ZNF532: variants seen among roughly 807,000 people sequenced by gnomAD.
The protein encoded by ZNF532 is zinc finger protein 532.
In ZNF532, 22 loss-of-function variants were observed where a neutral mutation model predicts 89.3. That is an observed-to-expected ratio of 0.25 (90% CI 0.18 to 0.35). ZNF532 has a LOEUF of 0.35. Among genes scored for constraint, ZNF532 ranks in the 10% least tolerant of loss-of-function variants. The pLI is 1.00. For synonymous variants in ZNF532, 606 were observed against 649.6 expected, an observed-to-expected ratio of 0.93 and a Z score of 1.02; for missense variants, 1,132 against 1,643.4, an observed-to-expected ratio of 0.69 and a Z score of 5.38.
At chr18:58,931,773 C>G (rs79929800) in intron 3 of ZNF532, 1 of 127,608 alleles carries the variant, frequency 7.8e-6, no homozygotes, top group Non-Finnish European at 1.7e-5. Context: ...CCTGTCTGTA[C>G]AAAAAAAAAA....
At chr18:58,876,512 T>A (rs1326968471) in intron 2 of ZNF532, among the ~76,000 whole-genome samples, 1 of 152,200 alleles carries the variant, frequency 6.6e-6, no homozygotes, top group East Asian at 1.9e-4. Flanking sequence ...GGGCCAGGAC[T>A]GTTTTTTTTG....
chr18:58,948,572 T>C (rs1456432526), intron 6 of ZNF532, among the ~76,000 whole-genome samples: 3 of 149,810 alleles, frequency 2.0e-5, no homozygotes, highest in Non-Finnish European at 3.0e-5. Flanking sequence ...CCTTTTTTTT[T>C]TTTTTTTCTT....
At chr18:58,964,763 A>G (rs1003258389) in intron 7 of ZNF532, among the ~76,000 whole-genome samples, 1 of 150,914 alleles carries the variant, frequency 6.6e-6, no homozygotes, top group East Asian at 2.0e-4. Context: ...ATTTTTATTG[A>G]TTTTCATTTT....
In ZNF532 at chr18:58,919,445, T is replaced by C; in HGVS notation, c.1158T>C (p.Leu386=). 6.2e-7 allele frequency: 1 copy of C among 1,614,232 alleles called. No individual in the cohort carries two copies. Residue 386 remains leucine (L), a synonymous_variant, in exon 3 of 10, where the codon CTT becomes CTC. Coordinates refer to ENST00000591808, the MANE Select transcript of ZNF532 (RefSeq NM_001375912.1). This position sits in a 1 kb window ranked among gnomAD's most constrained non-coding sequence, Gnocchi z 6.1. The stretch of plus-strand genomic sequence containing the variant: ...CCAGGGTATTGCCAGAAGTGGATCT[T>C]GACTCTGGAAAGAAACCTTCCGAGC... ...TVTRVLPEVD[L]DSGKKPSEQT... is the part of the protein sequence containing the mutation.
intron 2 of ZNF532, among the ~76,000 whole-genome samples, chr18:58,870,349 C>T (rs1322430161): frequency 6.6e-6 from 1 of 152,126 alleles, no homozygotes; most frequent in Non-Finnish European, 1.5e-5. Flanking sequence ...CGCCTCATGC[C>T]AAGCGTCCAC....
intron 2 of ZNF532, among the ~76,000 whole-genome samples, chr18:58,893,341 T>TATGTTAATA (rs937449579): frequency 3.0e-4 from 46 of 152,298 alleles, no homozygotes; most frequent in African/African-American, 1.1e-3. Context: ...TTGCTATTAT[T>TATGTTAATA]ATGTTAATAG....
intron 2 of ZNF532, among the ~76,000 whole-genome samples, chr18:58,867,285 G>A (rs963394570): frequency 6.6e-6 from 1 of 152,040 alleles, no homozygotes; most frequent in Non-Finnish European, 1.5e-5. Context: ...TTTCTGTCTT[G>A]GTGGTTTTTA....
intron 7 of ZNF532, among the ~76,000 whole-genome samples, chr18:58,958,302 T>TG (rs1456601761): frequency 6.6e-6 from 1 of 152,198 alleles, no homozygotes; most frequent in Non-Finnish European, 1.5e-5. Context: ...AACCTACAAT[T>TG]TGCTGAATTA....
chr18:58,980,175 G>A (rs976457801), intron 8 of ZNF532: 3 of 152,200 alleles, frequency 2.0e-5, no homozygotes, highest in African/African-American at 7.2e-5. Flanking sequence ...TGATAACCGG[G>A]TAGGAATCAT....
In ZNF532 at chr18:58,940,923, T is replaced by TACACACACACACACACACACACAC. The variant is rs200614911; in HGVS notation, c.2705+1315_2705+1338dup. 6.4e-3 allele frequency among the ~76,000 whole-genome samples: 761 copies of TACACACACACACACACACACACAC among 118,516 alleles called. 11 individuals are homozygous for TACACACACACACACACACACACAC. The highest frequency in any genetic ancestry group is 0.015 in the Middle Eastern group (3 of 206). The allele number at this position is 118,516 out of a possible 152,430, so 77.8% of individuals were successfully genotyped here. A position where few individuals can be genotyped will look rare whatever the true frequency, so the allele number is the denominator to read the frequency against. The stretch of plus-strand genomic sequence containing the variant: ...GAAGATACACAGCTATGCCATATTT[T>TACACACACACACACACACACACAC]ACACACACACACACACACACACACA... On this transcript the variant is annotated intron_variant, in intron 5 of 9. Coordinates refer to ENST00000591808, the MANE Select transcript of ZNF532 (RefSeq NM_001375912.1).
intron 2 of ZNF532, among the ~76,000 whole-genome samples, chr18:58,900,458 A>G (rs2059531447): frequency 6.6e-6 from 1 of 152,094 alleles, no homozygotes; most frequent in African/African-American, 2.4e-5. Context: ...TCCCCAGCTG[A>G]TGAAGGGTCG....
intron 2 of ZNF532, among the ~76,000 whole-genome samples, chr18:58,881,133 G>A (rs1568228733): frequency 6.7e-6 from 1 of 148,806 alleles, no homozygotes; most frequent in East Asian, 2.0e-4. Context: ...ACAGAGTCTC[G>A]CTCTGTCGCC....
Position 58,920,398 on chromosome 18 carries a change from C to T in ZNF532, c.2111C>T (p.Thr704Ile), listed in dbSNP as rs778677872. The change falls in exon 3 of 10, where the codon ACT (threonine) becomes ATT (isoleucine). Residue 704 changes from threonine to isoleucine, a missense_variant. By Grantham distance (89) the Thr-to-Ile change is moderately conservative. This residue lies in a region of ZNF532 where 100 missense variants were observed against 122.0 expected (regional missense o/e 0.82). Coordinates refer to ENST00000591808, the MANE Select transcript of ZNF532 (RefSeq NM_001375912.1). Reference sequence around the variant, plus strand: ...AGCAATACTTCCACTTCAACTTCCACTCTTCAGAGCCCTGTGGGAGCTGGC... The same window carrying T: ...AGCAATACTTCCACTTCAACTTCCATTCTTCAGAGCCCTGTGGGAGCTGGC... ...PSSNTSTSTSTLQSPVGAGTH... is the reference protein window; with the variant it reads ...PSSNTSTSTSILQSPVGAGTH... 3.1e-6 allele frequency: 5 copies of T among 1,613,984 alleles called. No individual in the cohort carries two copies. The highest frequency in any genetic ancestry group is 4.2e-6 in the Non-Finnish European group (5 of 1,179,874).
intron 2 of ZNF532, among the ~76,000 whole-genome samples, chr18:58,883,174 TTC>T (rs949399759): frequency 6.6e-6 from 1 of 152,244 alleles, no homozygotes; most frequent in Non-Finnish European, 1.5e-5. Context: ...ATGTAATTAA[TTC>T]TCTTTCTCTG....
intron 9 of ZNF532, among the ~76,000 whole-genome samples, chr18:58,982,476 C>CT (rs2067916827): frequency 6.6e-6 from 1 of 151,446 alleles, no homozygotes; most frequent in Admixed American, 6.6e-5. Flanking sequence ...CAAAAATTAG[C>CT]CAGGCGTGGT....
Position 58,984,199 on chromosome 18 carries a change from G to A in ZNF532, c.3639G>A (p.Thr1213=), listed in dbSNP as rs185185420. The change falls in exon 10 of 10, where the codon ACG becomes ACA. Residue 1213 remains threonine (T), a synonymous_variant. Transcript: ENST00000591808. The part of the protein sequence containing the change: ...YQCRECGLCY[T]SHVSLSRHLF... Reference sequence around the variant, plus strand: ...GCCGGGAGTGTGGCCTCTGCTACACGTCTCACGTCTCTCTGTCCAGGCACC... The same window carrying A: ...GCCGGGAGTGTGGCCTCTGCTACACATCTCACGTCTCTCTGTCCAGGCACC... The A allele has an allele frequency of 4.0e-5, 64 of 1,611,784 alleles. No individual in the cohort carries two copies. Among genetic ancestry groups the A allele is most frequent in the East Asian group, 1.1e-4 (5 of 44,866 alleles).
rs1439509161 is a variant in ZNF532, at chr18:58,984,110, G to A, written c.3550G>A (p.Glu1184Lys). ...HKCAVCGFTTENLLQFHEHIP... is the reference protein window; with the variant it reads ...HKCAVCGFTTKNLLQFHEHIP... ...GTGTGCCGTGTGTGGCTTCACCACCGAAAACCTGCTGCAATTCCACGAACA... is the reference window on the plus strand; with the variant it reads ...GTGTGCCGTGTGTGGCTTCACCACCAAAAACCTGCTGCAATTCCACGAACA... Residue 1184 changes from glutamate to lysine, a missense_variant, in exon 10 of 10, where the codon GAA (glutamate) becomes AAA (lysine). By Grantham distance (56) the Glu-to-Lys change is moderately conservative. This residue lies in a region of ZNF532 where 415 missense variants were observed against 604.8 expected (regional missense o/e 0.69). Transcript: ENST00000591808. The A allele has an allele frequency of 9.3e-6, 15 of 1,611,858 alleles. No homozygotes were observed. Among genetic ancestry groups the A allele is most frequent in the Middle Eastern group, 2.3e-4 (1 of 4,430 alleles).
chr18:58,970,231 CT>C (rs1240279737), intron 7 of ZNF532, among the ~76,000 whole-genome samples: 5 of 152,230 alleles, frequency 3.3e-5, no homozygotes, highest in East Asian at 3.9e-4. Context: ...GGAAAAAAAT[CT>C]TTCACAGTGA....
Position 58,984,287 on chromosome 18 carries a change from G to A in ZNF532, c.3727G>A (p.Asp1243Asn). 6.2e-7 allele frequency: 1 copy of A among 1,611,980 alleles called. No homozygotes were observed. Among genetic ancestry groups the A allele is most frequent in the Non-Finnish European group, 8.5e-7 (1 of 1,179,858 alleles). The change falls in exon 10 of 10, where the codon GAT becomes AAT. Residue 1243 changes from aspartate (D) to asparagine (N), a missense_variant. Coordinates refer to ENST00000591808, the MANE Select transcript of ZNF532 (RefSeq NM_001375912.1). ...PVSKQNGAGE[D>N]NQQENKPSHE... is the part of the protein sequence containing the mutation. Reference sequence around the variant, plus strand: ...GTCCAAGCAAAATGGGGCTGGGGAAGATAACCAACAGGAGAACAAACCCAG... The same window carrying A: ...GTCCAAGCAAAATGGGGCTGGGGAAAATAACCAACAGGAGAACAAACCCAG...
Sources: gnomAD v4.1 joint callset for allele counts (sites outside exome capture counted in the v4.1 genomes callset) on GRCh38, gnomAD v4.1.1 for gene constraint, gnomAD v4.1.1 regional missense constraint, Gnocchi (gnomAD v3.1) non-coding constraint, MANE v1.5 for transcripts, NCBI Gene and HGNC (gene_info 2026-07-23, HGNC 2026-07-21) for gene names.